PPP2R5C: variants seen among roughly 807,000 people sequenced by gnomAD.
PPP2R5C encodes serine/threonine-protein phosphatase 2A 56 kDa regulatory subunit gamma isoform.
A neutral mutation model predicts 68.9 loss-of-function variants in PPP2R5C; 7 were observed. The observed-to-expected ratio is 0.10, with a 90% CI of 0.06 to 0.19. The LOEUF is 0.19. PPP2R5C is among the 10% of genes least tolerant of loss of function. The pLI is 1.00. For synonymous variants in PPP2R5C, 210 were observed against 222.2 expected (o/e 0.95, Z 0.49); for missense variants, 348 against 641.3 (o/e 0.54, Z 4.94).
intron 2 of PPP2R5C, among the ~76,000 whole-genome samples, chr14:101,767,710 G>A (rs1387078437): frequency 2.6e-5 from 4 of 152,182 alleles, no homozygotes; most frequent in African/African-American, 9.7e-5. Flanking sequence ...GCCACGTCTT[G>A]GCTCCCTCTT....
chr14:101,831,422 G>A (rs2040733231), intron 1 of PPP2R5C, among the ~76,000 whole-genome samples: 1 of 152,204 alleles, frequency 6.6e-6, no homozygotes, highest in African/African-American at 2.4e-5. Context: ...TTCAGCTTTT[G>A]AATGGAGCTA....
chr14:101,813,383 A>G (rs2039480410), intron 1 of PPP2R5C, among the ~76,000 whole-genome samples: 1 of 152,254 alleles, frequency 6.6e-6, no homozygotes, highest in African/African-American at 2.4e-5. Flanking sequence ...CAAACAGGTG[A>G]CAGGCTGGAT....
At chr14:101,867,505 C>T (rs796872765) in intron 2 of PPP2R5C, among the ~76,000 whole-genome samples, 16 of 152,242 alleles carry the variant, frequency 1.1e-4, no homozygotes, top group African/African-American at 3.4e-4. Context: ...CGGCCAGGCG[C>T]GGTAGCTCAT....
In PPP2R5C at chr14:101,915,146, G is replaced by A. The variant is rs563375558; in HGVS notation, c.1326+2673G>A. On this transcript the variant is annotated intron_variant, in intron 12 of 13. Coordinates refer to ENST00000334743, the Ensembl canonical transcript of PPP2R5C. The surrounding 1 kb of genome is among the most constrained non-coding windows in gnomAD (Gnocchi z 4.2). ...GGCTGGAGTGCAGTGGCGTGATCTC[G>A]GCTCACCACAACCTCCGCCTCCCAG... is the stretch of plus-strand genomic sequence containing the variant. Among the ~76,000 whole-genome samples the A allele has an allele frequency of 2.6e-5, 4 of 152,198 alleles. No individual in the cohort carries two copies. Among genetic ancestry groups the A allele is most frequent in the East Asian group, 3.9e-4 (2 of 5,186 alleles).
In PPP2R5C at chr14:101,923,915, C is replaced by T. The variant is rs763070517; in HGVS notation, c.1444-1226C>T. 1.1e-4 allele frequency among the ~76,000 whole-genome samples: 13 copies of T among 116,648 alleles called. No homozygotes were observed. In the East Asian group the frequency reaches 1.8e-3, roughly 16 times the overall value. 76.5% of individuals were successfully genotyped at this position (116,648 alleles called of 152,430 possible). A position where few individuals can be genotyped will look rare whatever the true frequency, so the allele number is the denominator to read the frequency against. ...ATCTGGAATTTGTAAGGCGTTTTTA[C>T]GCTTACGTTCTTTTTGTTGTCAAAA... is the stretch of plus-strand genomic sequence containing the variant. On this transcript the variant is annotated intron_variant, in intron 13 of 13. Coordinates refer to ENST00000334743, the Ensembl canonical transcript of PPP2R5C.
At chr14:101,895,475 G>A (rs1308681637) in intron 8 of PPP2R5C, among the ~76,000 whole-genome samples, 3 of 151,934 alleles carry the variant, frequency 2.0e-5, no homozygotes, top group Non-Finnish European at 2.9e-5. Flanking sequence ...ATAACTCTCC[G>A]TTCTCCCTCC....
rs72219666 is a variant in PPP2R5C at position 101,903,015 on chromosome 14, G to GT, written c.1023+1144dup. ...CTAAGAAAGGAAAATTATGTTTTGG[G>GT]TTTTTTTTTTTTTTTTTTCATCAAT... On this transcript the variant is annotated intron_variant, in intron 9 of 13. Transcript: ENST00000334743. 4.4e-3 allele frequency among the ~76,000 whole-genome samples: 575 copies of GT among 130,666 alleles called. 2 individuals are homozygous for GT. The highest frequency in any genetic ancestry group is 6.9e-3 in the East Asian group (32 of 4,608). The allele number at this position is 130,666 out of a possible 152,430, so 85.7% of individuals were successfully genotyped here. A position where few individuals can be genotyped will look rare whatever the true frequency, so the allele number is the denominator to read the frequency against.
intron 2 of PPP2R5C, among the ~76,000 whole-genome samples, chr14:101,861,792 C>T (rs958741076): frequency 2.0e-5 from 3 of 152,084 alleles, no homozygotes; most frequent in Non-Finnish European, 1.5e-5. Context: ...ACCAGTTATT[C>T]GGACTTTGAA....
chr14:101,845,551 C>T (rs2041775394), intron 1 of PPP2R5C, among the ~76,000 whole-genome samples: 1 of 151,254 alleles, frequency 6.6e-6, no homozygotes, highest in African/African-American at 2.4e-5. Flanking sequence ...TTAGCTTCAA[C>T]CACTGCCTTT....
chr14:101,802,094 A>G (rs1246729896), intron 3 of PPP2R5C, among the ~76,000 whole-genome samples: 1 of 152,204 alleles, frequency 6.6e-6, no homozygotes, highest in Non-Finnish European at 1.5e-5. Flanking sequence ...GGTGTTGGGA[A>G]AACTGGGTAC....
At chr14:101,850,987 A>G (rs972493138) in intron 1 of PPP2R5C, among the ~76,000 whole-genome samples, 2 of 152,184 alleles carry the variant, frequency 1.3e-5, no homozygotes, top group African/African-American at 2.4e-5. Flanking sequence ...GAATAAATAC[A>G]TTTGAAAGAC....
Position 101,915,347 on chromosome 14 carries a change from T to C in PPP2R5C, c.1327-2484T>C, listed in dbSNP as rs779988526. Among the ~76,000 whole-genome samples, 5 of 152,214 alleles carry C rather than the reference T, an allele frequency of 3.3e-5. No homozygotes were observed. Among genetic ancestry groups the C allele is most frequent in the Non-Finnish European group, 7.3e-5 (5 of 68,028 alleles). On this transcript the variant is annotated intron_variant, in intron 12 of 13. Transcript: ENST00000334743. The surrounding 1 kb of genome is among the most constrained non-coding windows in gnomAD (Gnocchi z 4.2). ...TACCTGCCTCGGCCTCCCAGAGTGCTGGGATTACAGGTGTGAGCCACCGCA... is the reference window on the plus strand; with the variant it reads ...TACCTGCCTCGGCCTCCCAGAGTGCCGGGATTACAGGTGTGAGCCACCGCA...
intron 12 of PPP2R5C, 86 bp downstream of exon 14, chr14:101,912,559 G>GC (rs1279834569): frequency 2.8e-6 from 4 of 1,415,008 alleles, no homozygotes; most frequent in African/African-American, 1.5e-5. Context: ...ACCATGGGGG[G>GC]GGTCTCGATT....
upstream of PPP2R5C, chr14:101,809,857 C>G (rs2039245636): frequency 6.5e-7 from 1 of 1,536,614 alleles, no homozygotes; most frequent in Non-Finnish European, 8.7e-7. Flanking sequence ...CTGCAGAGAG[C>G]TTCAGTTTGT....
rs1595477584 is a variant in PPP2R5C at position 101,888,362 on chromosome 14, G to A, written c.630-1875G>A. On this transcript the variant is annotated intron_variant, in intron 5 of 13. Transcript: ENST00000334743. The surrounding 1 kb of genome is among the most constrained non-coding windows in gnomAD (Gnocchi z 5.6). ...CTTGGTCACAGCTTCCAAGCCTCAG[G>A]GTAGGTGCAGGCTGAGGGACACCAG... is the stretch of plus-strand genomic sequence containing the variant. 6.6e-6 allele frequency among the ~76,000 whole-genome samples: 1 copy of A among 152,128 alleles called. No homozygotes were observed. The highest frequency in any genetic ancestry group is 1.9e-4 in the East Asian group (1 of 5,162).
chr14:101,781,271 C>T lies in PPP2R5C; in HGVS notation c.94-4747C>T, dbSNP rs2037671711. Among the ~76,000 whole-genome samples, 1 of 152,200 alleles carries T rather than the reference C, an allele frequency of 6.6e-6. No homozygotes were observed. Among genetic ancestry groups the T allele is most frequent in the East Asian group, 1.9e-4 (1 of 5,196 alleles). The stretch of plus-strand genomic sequence containing the variant: ...GGGCTTGTTTACAGCTGCCGTATTT[C>T]CCGGGACCCTGGCTTCTGTCCTCAG... On this transcript the variant is annotated intron_variant, in intron 2 of 14. Coordinates refer to the PPP2R5C transcript ENST00000328724. The surrounding 1 kb of genome is among the most constrained non-coding windows in gnomAD (Gnocchi z 6.4).
chr14:101,889,416 T>C (rs1197466916), intron 5 of PPP2R5C, among the ~76,000 whole-genome samples: 1 of 152,230 alleles, frequency 6.6e-6, no homozygotes, highest in Non-Finnish European at 1.5e-5. Flanking sequence ...TTTCCTAACA[T>C]GTCCCTGTTC....
chr14:101,895,300 A>G (rs1464368536), intron 8 of PPP2R5C, among the ~76,000 whole-genome samples: 1 of 152,114 alleles, frequency 6.6e-6, no homozygotes, highest in Admixed American at 6.5e-5. Context: ...TACATTTTGA[A>G]TTTTTTTAAA....
intron 3 of PPP2R5C, among the ~76,000 whole-genome samples, chr14:101,801,555 G>A (rs990939143): frequency 2.6e-5 from 4 of 152,166 alleles, no homozygotes; most frequent in African/African-American, 9.7e-5. Flanking sequence ...CATTAAAGTA[G>A]TTTCCAGTAT....
Sources: allele counts gnomAD v4.1 joint callset (sites outside exome capture counted in the v4.1 genomes callset), GRCh38; gene constraint gnomAD v4.1.1; non-coding constraint Gnocchi (gnomAD v3.1); transcripts MANE v1.5; gene names NCBI Gene and HGNC (gene_info 2026-07-23, HGNC 2026-07-21).